Variants in TP53BP1 observed in about 807,000 individuals in gnomAD.
TP53BP1 encodes tumor protein p53 binding protein 1.
A neutral mutation model predicts 200.8 loss-of-function variants in TP53BP1; 61 were observed. That is an observed-to-expected ratio of 0.30 (90% CI 0.25 to 0.38). TP53BP1 has a LOEUF of 0.38. Ranked by LOEUF, TP53BP1 falls within the 10% of genes least tolerant of loss-of-function variation. TP53BP1 has a pLI of 1.00. For synonymous variants in TP53BP1, 822 were observed against 844.3 expected (o/e 0.97, Z 0.46); for missense variants, 2,144 against 2,371.9 (o/e 0.90, Z 2.00).
At chr15:43,433,497 T>C (rs985479486) in intron 16 of TP53BP1, among the ~76,000 whole-genome samples, 1 of 152,244 alleles carries the variant, frequency 6.6e-6, no homozygotes, top group Non-Finnish European at 1.5e-5. Context: ...TCATGTCTTA[T>C]CTATCTTTAT....
chr15:43,452,078 T>A (rs2046183065), intron 12 of TP53BP1, among the ~76,000 whole-genome samples: 2 of 152,176 alleles, frequency 1.3e-5, no homozygotes, highest in Admixed American at 1.3e-4. Context: ...GAGGTTGCAG[T>A]GAGCCGAGAT....
intron 1 of TP53BP1, among the ~76,000 whole-genome samples, chr15:43,500,985 G>C (rs2079206655): frequency 6.6e-6 from 1 of 151,754 alleles, no homozygotes; most frequent in Admixed American, 6.6e-5. Flanking sequence ...AGTGAGCAGT[G>C]ATCATGCCAC....
chr15:43,413,373 A>T (rs2045178812), intron 23 of TP53BP1, 39 bp from the exon 24 acceptor site: 3 of 1,564,156 alleles, frequency 1.9e-6, no homozygotes, highest in Non-Finnish European at 2.6e-6. Flanking sequence ...AGGGATACAC[A>T]CCATTGCCTC....
intron 1 of TP53BP1, among the ~76,000 whole-genome samples, chr15:43,507,204 C>T (rs1424571470): frequency 3.3e-5 from 5 of 152,020 alleles, no homozygotes; most frequent in Non-Finnish European, 7.4e-5. Context: ...GCACAATCTC[C>T]ACTCACTGCA....
chr15:43,491,967 A>T (rs1324208664), intron 3 of TP53BP1, 35 bp downstream of exon 3: 2 of 1,542,550 alleles, frequency 1.3e-6, no homozygotes, highest in African/African-American at 1.4e-5. Context: ...GCACCCAAAA[A>T]ATGCAAAGGG....
Position 43,432,618 on chromosome 15 carries a change from C to A in TP53BP1, c.3251G>T (p.Gly1084Val), listed in dbSNP as rs756530372. The A allele has an allele frequency of 2.4e-5, 38 of 1,611,450 alleles. No individual in the cohort carries two copies. The African/African-American group carries it at 4.5e-4, about 19-fold the overall frequency. The change falls in exon 17 of 28, where the codon GGT becomes GTT. Residue 1084 changes from glycine (G) to valine (V), a missense_variant. Gly to Val is a moderately radical substitution (Grantham distance 109). This residue lies in a region of TP53BP1 where 1,700 missense variants were observed against 1,710.3 expected (regional missense o/e 0.99). Coordinates refer to ENST00000382044, the MANE Select transcript of TP53BP1 (RefSeq NM_001141980.3). The part of the protein sequence containing the change: ...QGEEEKEKLE[G>V]DHTIRQSQQP... ...TTGACTCTGCCTGATTGTATGGTCA[C>A]CCTCCAATTTTTCTTTCTCCTCTTC...
Position 43,432,198 on chromosome 15 carries a change from C to A in TP53BP1, c.3671G>T (p.Ser1224Ile). The A allele has an allele frequency of 6.2e-7, 1 of 1,613,520 alleles. No homozygotes were observed. The highest frequency in any genetic ancestry group is 8.5e-7 in the Non-Finnish European group (1 of 1,179,642). ...CACCCTAGTATGTTCTCTCACCTGGCTATGGAGCGACTCTGTATCATCCCC... is the reference window on the plus strand; with the variant it reads ...CACCCTAGTATGTTCTCTCACCTGGATATGGAGCGACTCTGTATCATCCCC... ...APGDDTESLH[S>I]QGEEEFDMPQ... The change falls in exon 17 of 28, where the codon AGC becomes ATC. Residue 1224 changes from serine to isoleucine, a missense_variant. This residue lies in a region of TP53BP1 where 1,700 missense variants were observed against 1,710.3 expected (regional missense o/e 0.99). Transcript: ENST00000382044.
chr15:43,457,759 C>T (rs1039990493), intron 11 of TP53BP1, among the ~76,000 whole-genome samples: 2 of 148,146 alleles, frequency 1.4e-5, no homozygotes, highest in African/African-American at 5.0e-5. Context: ...TAGCTCATGC[C>T]TATTATCCCA....
intron 23 of TP53BP1, chr15:43,415,312 G>A (rs2045237754): frequency 2.2e-6 from 1 of 449,772 alleles, no homozygotes; most frequent in Non-Finnish European, 4.1e-6. Context: ...GGGTTCAAGC[G>A]ATTCTCCCAC....
chr15:43,478,261 T>A (rs962740178), intron 7 of TP53BP1, among the ~76,000 whole-genome samples: 1 of 152,154 alleles, frequency 6.6e-6, no homozygotes, highest in Non-Finnish European at 1.5e-5. Context: ...AATACTAACA[T>A]GTATAAGACA....
At position 43,481,028 on chromosome 15, in the gene TP53BP1, C is replaced by A. The variant is rs1487219781; in HGVS notation, c.372-6G>T. The stretch of plus-strand genomic sequence containing the variant: ...CCACTGACATTCCCAGAACACTACA[C>A]AGCAGAAGGATATAATCATGTGTTC... On this transcript the variant is annotated splice_polypyrimidine_tract_variant and splice_region_variant and intron_variant, in intron 4 of 27. Transcript: ENST00000382044. The A allele has an allele frequency of 1.2e-6, 2 of 1,613,646 alleles. No homozygotes were observed. Among genetic ancestry groups the A allele is most frequent in the Non-Finnish European group, 1.7e-6 (2 of 1,179,978 alleles).
Position 43,432,471 on chromosome 15 carries a change from T to C in TP53BP1, c.3398A>G (p.Gln1133Arg). 6.2e-7 allele frequency: 1 copy of C among 1,614,214 alleles called. No homozygotes were observed. The highest frequency in any genetic ancestry group is 1.1e-5 in the South Asian group (1 of 91,082). The change falls in exon 17 of 28, where the codon CAG (glutamine) becomes CGG (arginine). Residue 1133 changes from glutamine to arginine, a missense_variant. Around this residue, in one of 4 missense-constraint regions of TP53BP1, gnomAD observed 1,700 missense variants for 1,710.3 expected, o/e 0.99. Coordinates refer to ENST00000382044, the MANE Select transcript of TP53BP1 (RefSeq NM_001141980.3). ...EAMVTDVLED[Q>R]KEGRSTNKEN... Reference sequence around the variant, plus strand: ...CTTATTAGTACTCCGTCCTTCTTTCTGGTCTTCTAGCACATCTGTCACCAT... The same window carrying C: ...CTTATTAGTACTCCGTCCTTCTTTCCGGTCTTCTAGCACATCTGTCACCAT...
At chr15:43,454,851 C>T (rs2046257002) in intron 12 of TP53BP1, among the ~76,000 whole-genome samples, 1 of 152,190 alleles carries the variant, frequency 6.6e-6, no homozygotes, top group South Asian at 2.1e-4. Flanking sequence ...CATGCCTCAG[C>T]CTCCCGAGTA....
At position 43,404,272 on chromosome 15, in the gene TP53BP1, A is replaced by C. The variant is rs2044779972; in HGVS notation, c.*3111T>G. On this transcript the variant is annotated 3_prime_UTR_variant, in exon 28 of 28. Transcript: ENST00000382044. ...TACAAGTCATTTTAGGAACTAATAG[A>C]AATAGGAATGTGGGAAGGCCAGGTG... 2.1e-6 allele frequency: 2 copies of C among 933,494 alleles called. No homozygotes were observed. The highest frequency in any genetic ancestry group is 3.6e-5 in the South Asian group (2 of 55,662). 57.8% of individuals were successfully genotyped at this position (933,494 alleles called of 1,614,324 possible).
chr15:43,463,522 T>C (rs892413796), intron 11 of TP53BP1, among the ~76,000 whole-genome samples: 2 of 151,994 alleles, frequency 1.3e-5, no homozygotes, highest in African/African-American at 4.8e-5. Flanking sequence ...TTAATAGAAA[T>C]GGAGAACTAA....
At chr15:43,442,806 A>G (rs549955006) in intron 14 of TP53BP1, among the ~76,000 whole-genome samples, 112 of 144,876 alleles carry the variant, frequency 7.7e-4, no homozygotes, top group African/African-American at 2.8e-3. Context: ...AGCCCTTAGC[A>G]GTAATATTCT....
chr15:43,458,833 T>C (rs555859510), intron 11 of TP53BP1, among the ~76,000 whole-genome samples: 1 of 151,678 alleles, frequency 6.6e-6, no homozygotes, highest in Non-Finnish European at 1.5e-5. Context: ...TTAGCAACGA[T>C]GTTGAACAAC....
intron 18 of TP53BP1, among the ~76,000 whole-genome samples, chr15:43,426,141 A>T (rs2045525497): frequency 1.3e-5 from 2 of 151,702 alleles, no homozygotes; most frequent in African/African-American, 4.8e-5. Context: ...GGTATTTGGT[A>T]TACACAAAGA....
At chr15:43,483,447 CA>C (rs1306663527) in intron 4 of TP53BP1, among the ~76,000 whole-genome samples, 1 of 151,784 alleles carries the variant, frequency 6.6e-6, no homozygotes, top group Non-Finnish European at 1.5e-5. Context: ...ATCAAATGAA[CA>C]AAAAAAGAGA....
Sources: allele counts gnomAD v4.1 joint callset (sites outside exome capture counted in the v4.1 genomes callset), GRCh38; gene constraint gnomAD v4.1.1; regional missense constraint gnomAD v4.1.1; transcripts MANE v1.5; gene names NCBI Gene and HGNC (gene_info 2026-07-23, HGNC 2026-07-21).